The following OR7E24 variants were observed in gnomAD, a reference collection of about 807,000 sequenced individuals.
OR7E24 encodes the protein olfactory receptor family 7 subfamily E member 24.
For missense variants in OR7E24, 385 were observed against 410.3 expected (o/e 0.94, Z 0.53); for synonymous variants, 130 against 157.5 (o/e 0.83, Z 1.31).
chr19:9,235,167 A>C, the OR7E24 span: 1 of 1,291,804 alleles, frequency 7.7e-7, no homozygotes, highest in Non-Finnish European at 1.1e-6. Flanking sequence ...ACCTTACAGA[A>C]TTATCAGAAT....
At chr19:9,221,810 G>A in the OR7E24 span, among the ~76,000 whole-genome samples, 1 of 152,092 alleles carries the variant, frequency 6.6e-6, no homozygotes, top group Non-Finnish European at 1.5e-5. Context: ...TTTGCTGTGT[G>A]GAGATTTTTA....
At chr19:9,245,844 G>T (rs55892843), upstream of OR7E24, among the ~76,000 whole-genome samples, 42,731 of 151,888 alleles carry the variant, frequency 0.28, 7,617 homozygotes, top group Middle Eastern at 0.41. Flanking sequence ...CCTCGTGACT[G>T]GGCCTCATGC....
the OR7E24 span, chr19:9,235,582 G>A: frequency 4.5e-6 from 7 of 1,557,092 alleles, no homozygotes; most frequent in Non-Finnish European, 6.2e-6. Flanking sequence ...CCTGGTTCTG[G>A]CATCTTGGTT....
upstream of OR7E24, among the ~76,000 whole-genome samples, chr19:9,243,507 A>G (rs891741491): frequency 2.6e-5 from 4 of 151,968 alleles, no homozygotes; most frequent in African/African-American, 9.7e-5. Flanking sequence ...GGGTCTCTCT[A>G]TGTGACTCAG....
chr19:9,250,979 G>A lies in OR7E24; in HGVS notation c.-65G>A. 1 of 1,257,830 alleles carries A rather than the reference G, an allele frequency of 8.0e-7. No individual in the cohort carries two copies. The highest frequency in any genetic ancestry group is 1.6e-5 in the South Asian group (1 of 63,618). The allele number at this position is 1,257,830 out of a possible 1,614,324, so 77.9% of individuals were successfully genotyped here. A position where few individuals can be genotyped will look rare whatever the true frequency, so the allele number is the denominator to read the frequency against. On this transcript the variant is annotated 5_prime_UTR_variant, in exon 1 of 1. The change abolishes the stop of an existing upstream ORF in the 5' untranslated region. Transcript: ENST00000456448. ...TTGCTGAGGGTGTATAATCCTATGT[G>A]AAAACTTAATTTCTTAATTGCTTGT...
upstream of OR7E24, among the ~76,000 whole-genome samples, chr19:9,246,262 G>A (rs946947836): frequency 6.6e-6 from 1 of 151,546 alleles, no homozygotes; most frequent in African/African-American, 2.4e-5. Flanking sequence ...TAGAGACAGG[G>A]TTTCACCGTG....
At chr19:9,211,016 G>A in the OR7E24 span, 1 of 152,262 alleles carries the variant, frequency 6.6e-6, no homozygotes, top group Non-Finnish European at 1.5e-5. Context: ...CTTGAATGGT[G>A]AGGAACTCTA....
chr19:9,222,977 T>C, the OR7E24 span, among the ~76,000 whole-genome samples: 1 of 152,236 alleles, frequency 6.6e-6, no homozygotes, highest in Non-Finnish European at 1.5e-5. Flanking sequence ...ATATTCCTTC[T>C]ATATCTAACT....
At chr19:9,243,734 A>G (rs535649807), upstream of OR7E24, among the ~76,000 whole-genome samples, 9 of 152,308 alleles carry the variant, frequency 5.9e-5, no homozygotes, top group South Asian at 1.7e-3. Flanking sequence ...TGCTCCTTGC[A>G]TCATCCTTTG....
At chr19:9,220,590 C>T in the OR7E24 span, among the ~76,000 whole-genome samples, 1 of 152,160 alleles carries the variant, frequency 6.6e-6, no homozygotes, top group Non-Finnish European at 1.5e-5. Flanking sequence ...ATATATACTA[C>T]ATTTTCTTTA....
At chr19:9,226,722 T>C in the OR7E24 span, among the ~76,000 whole-genome samples, 1 of 152,220 alleles carries the variant, frequency 6.6e-6, no homozygotes, top group Non-Finnish European at 1.5e-5. Flanking sequence ...TTATTCCCAA[T>C]TAGACAAGGA....
the OR7E24 span, among the ~76,000 whole-genome samples, chr19:9,215,896 C>T: frequency 6.6e-6 from 1 of 152,072 alleles, no homozygotes; most frequent in African/African-American, 2.4e-5. Flanking sequence ...AAAGACATAC[C>T]TGAGACTGGG....
upstream of OR7E24, among the ~76,000 whole-genome samples, chr19:9,248,214 G>A (rs1289477365): frequency 6.6e-6 from 1 of 152,146 alleles, no homozygotes; most frequent in Non-Finnish European, 1.5e-5. Flanking sequence ...GAAGATGCCA[G>A]TCACCATGAC....
the OR7E24 span, chr19:9,212,844 C>G: frequency 1.3e-5 from 2 of 151,976 alleles, no homozygotes; most frequent in African/African-American, 4.9e-5. Flanking sequence ...CCTCAAACTC[C>G]TAGGCTCCAG....
At chr19:9,215,055 C>G in the OR7E24 span, among the ~76,000 whole-genome samples, 1 of 151,964 alleles carries the variant, frequency 6.6e-6, no homozygotes, top group Non-Finnish European at 1.5e-5. Context: ...TTAGAAATCT[C>G]TCTCTTTGGC....
chr19:9,227,344 C>T, the OR7E24 span, among the ~76,000 whole-genome samples: 13 of 152,076 alleles, frequency 8.5e-5, no homozygotes, highest in African/African-American at 2.7e-4. Flanking sequence ...ATTCTCCTGC[C>T]TCAGCCTCCG....
At chr19:9,235,013 G>A in the OR7E24 span, 1 of 533,564 alleles carries the variant, frequency 1.9e-6, no homozygotes. Flanking sequence ...GTTTCAAATG[G>A]AATTAGGCTA....
At chr19:9,224,127 GGT>G in the OR7E24 span, among the ~76,000 whole-genome samples, 1 of 152,024 alleles carries the variant, frequency 6.6e-6, no homozygotes, top group African/African-American at 2.4e-5. Context: ...TGGGATTACA[GGT>G]GTGAGCCACT....
the OR7E24 span, chr19:9,209,313 A>G: frequency 6.6e-6 from 1 of 152,216 alleles, no homozygotes; most frequent in Admixed American, 6.5e-5. Context: ...AATTAATTGC[A>G]GTAGTCTTTT....
Sources: gnomAD v4.1 joint callset for allele counts (sites outside exome capture counted in the v4.1 genomes callset) on GRCh38, gnomAD v4.1.1 for gene constraint, MANE v1.5 for transcripts, NCBI Gene and HGNC (gene_info 2026-07-23, HGNC 2026-07-21) for gene names.